IL1R1: variants seen among roughly 807,000 people sequenced by gnomAD.
IL1R1 encodes interleukin 1 receptor type 1.
In IL1R1, 22 loss-of-function variants were observed where a neutral mutation model predicts 50.2. The ratio of observed to expected loss-of-function variants is 0.44; its 90% CI spans 0.31 to 0.63. The LOEUF is 0.63. IL1R1 is among the 20% of genes least tolerant of loss of function. The pLI is 0.07. For synonymous variants in IL1R1, 251 were observed against 236.7 expected (o/e 1.06, Z -0.55); for missense variants, 509 against 676.2 (o/e 0.75, Z 2.74).
chr2:102,147,500 T>G (rs1558642), intron 1 of IL1R1, among the ~76,000 whole-genome samples: 126,835 of 152,060 alleles, frequency 0.83, 53,331 homozygotes, highest in African/African-American at 0.94. Context: ...TGTGTTGGAG[T>G]TATAGGGGAG....
At chr2:102,125,911 T>C (rs575659694) in intron 1 of IL1R1, among the ~76,000 whole-genome samples, 2 of 152,238 alleles carry the variant, frequency 1.3e-5, no homozygotes, top group East Asian at 1.9e-4. Flanking sequence ...TCACAAACCA[T>C]TGACGAGGAG....
At chr2:102,118,109 G>A (rs1312834742) in intron 1 of IL1R1, among the ~76,000 whole-genome samples, 1 of 152,128 alleles carries the variant, frequency 6.6e-6, no homozygotes, top group African/African-American at 2.4e-5. Flanking sequence ...CCTGGGAGGA[G>A]AATGGTCACT....
chr2:102,152,063 A>G (rs2104495936), intron 1 of IL1R1, among the ~76,000 whole-genome samples: 1 of 152,214 alleles, frequency 6.6e-6, no homozygotes, highest in East Asian at 1.9e-4. Context: ...TAGGAGGGAT[A>G]GTGGCCTGGG....
chr2:102,152,232 G>A (rs890739408), intron 1 of IL1R1, among the ~76,000 whole-genome samples: 1 of 151,514 alleles, frequency 6.6e-6, no homozygotes, highest in Non-Finnish European at 1.5e-5. Flanking sequence ...GGGGCCAGGT[G>A]CAGTGGCTCA....
At chr2:102,123,734 C>T (rs764625608) in intron 1 of IL1R1, among the ~76,000 whole-genome samples, 3 of 151,986 alleles carry the variant, frequency 2.0e-5, no homozygotes, top group East Asian at 1.9e-4. Flanking sequence ...GCCGAGATCA[C>T]GCCATTGCAC....
chr2:102,163,049 G>A (rs3917271), intron 3 of IL1R1, among the ~76,000 whole-genome samples: 4,052 of 152,068 alleles, frequency 0.027, 133 homozygotes, highest in African/African-American at 0.074. Flanking sequence ...TTTTCTTTCA[G>A]TACTTTAACG....
At chr2:102,137,030 A>G (rs1190289033) in intron 1 of IL1R1, among the ~76,000 whole-genome samples, 1 of 152,236 alleles carries the variant, frequency 6.6e-6, no homozygotes, top group African/African-American at 2.4e-5. Flanking sequence ...AAAATAGTAT[A>G]TTCAAAACTA....
upstream of IL1R1, among the ~76,000 whole-genome samples, chr2:102,101,466 C>G (rs1254229287): frequency 6.6e-6 from 1 of 152,172 alleles, no homozygotes; most frequent in African/African-American, 2.4e-5. Context: ...AGGTTAGATT[C>G]TAGGGTTGCA....
chr2:102,108,391 C>T (rs192214644), intron 1 of IL1R1, among the ~76,000 whole-genome samples: 141 of 152,124 alleles, frequency 9.3e-4, no homozygotes, highest in African/African-American at 3.3e-3. Context: ...ACAGGAAAAC[C>T]AGCCATCCTC....
At chr2:102,148,390 G>A (rs959189762) in intron 1 of IL1R1, among the ~76,000 whole-genome samples, 15 of 152,180 alleles carry the variant, frequency 9.9e-5, no homozygotes, top group African/African-American at 3.6e-4. Context: ...ATTGCATAGA[G>A]ATTATTATGG....
chr2:102,096,618 T>C (rs886674670), intron 1 of IL1R1, among the ~76,000 whole-genome samples: 2 of 152,094 alleles, frequency 1.3e-5, no homozygotes, highest in African/African-American at 4.8e-5. Flanking sequence ...ACTAACTCTT[T>C]ATAAGTTATT....
At chr2:102,158,705 GC>G (rs1206595476) in intron 3 of IL1R1, among the ~76,000 whole-genome samples, 1 of 152,146 alleles carries the variant, frequency 6.6e-6, no homozygotes, top group East Asian at 1.9e-4. Flanking sequence ...GGAATGTTGT[GC>G]CCTTTTTTAG....
At chr2:102,158,415 TG>T (rs1684400829) in intron 3 of IL1R1, among the ~76,000 whole-genome samples, 2 of 152,062 alleles carry the variant, frequency 1.3e-5, no homozygotes, top group South Asian at 4.2e-4. Context: ...GGCATTACAG[TG>T]GGCAGAAGGT....
intron 1 of IL1R1, among the ~76,000 whole-genome samples, chr2:102,126,556 T>C (rs1376858060): frequency 6.6e-6 from 1 of 152,200 alleles, no homozygotes; most frequent in Non-Finnish European, 1.5e-5. Flanking sequence ...CTCAGATTTT[T>C]ATCTCCATTG....
At position 102,175,587 on chromosome 2, in the gene IL1R1, G is replaced by A; in HGVS notation, c.1245G>A (p.Leu415=). ...TGTTTAAAGTCTTGCCTGAGGTCTT[G>A]GAAAAACAGTGTGGATATAAGCTGT... ...IFVFKVLPEV[L]EKQCGYKLFI... The change falls in exon 11 of 12, where the codon TTG becomes TTA. Residue 415 remains leucine (L), a synonymous_variant. Coordinates refer to ENST00000410023, the MANE Select transcript of IL1R1 (RefSeq NM_000877.4). 1 of 1,614,018 alleles carries A rather than the reference G, an allele frequency of 6.2e-7. No individual in the cohort carries two copies. The highest frequency in any genetic ancestry group is 8.5e-7 in the Non-Finnish European group (1 of 1,179,950).
chr2:102,152,757 C>T (rs879283793), intron 1 of IL1R1, among the ~76,000 whole-genome samples: 59 of 152,116 alleles, frequency 3.9e-4, no homozygotes, highest in Middle Eastern at 3.4e-3. Context: ...TGGGGGTCTC[C>T]CCTTTGAGTT....
In IL1R1 at chr2:102,176,387, A is replaced by G. The variant is rs771269976; in HGVS notation, c.1338A>G (p.Lys446=). Residue 446 remains lysine, a synonymous_variant, in exon 12 of 12, where the codon AAA becomes AAG. Coordinates refer to ENST00000410023, the MANE Select transcript of IL1R1 (RefSeq NM_000877.4). ...AGGTCATTAATGAAAACGTAAAGAA[A>G]AGCAGAAGACTGATTATCATTTTAG... ...IVEVINENVK[K]SRRLIIILVR... 4 of 1,614,062 alleles carry G rather than the reference A, an allele frequency of 2.5e-6. No homozygotes were observed. Among genetic ancestry groups the G allele is most frequent in the Non-Finnish European group, 3.4e-6 (4 of 1,179,992 alleles).
At chr2:102,166,685 G>C (rs1685208590) in intron 6 of IL1R1, among the ~76,000 whole-genome samples, 1 of 152,120 alleles carries the variant, frequency 6.6e-6, no homozygotes, top group East Asian at 1.9e-4. Flanking sequence ...AATGAGCTTT[G>C]GAATAAGTCA....
chr2:102,114,409 T>C (rs985428665), intron 1 of IL1R1, among the ~76,000 whole-genome samples: 5 of 152,224 alleles, frequency 3.3e-5, no homozygotes, highest in African/African-American at 1.2e-4. Flanking sequence ...TTCTTTCCTG[T>C]AGGGAAAATA....
Sources: gnomAD v4.1 joint callset for allele counts (sites outside exome capture counted in the v4.1 genomes callset) on GRCh38, gnomAD v4.1.1 for gene constraint, MANE v1.5 for transcripts, NCBI Gene and HGNC (gene_info 2026-07-23, HGNC 2026-07-21) for gene names.